FAM135B: variants seen among roughly 807,000 people sequenced by gnomAD.
FAM135B encodes protein FAM135B.
FAM135B carries 43 observed loss-of-function variants against 127.7 expected under a neutral mutation model. That is an observed-to-expected ratio of 0.34 (90% CI 0.26 to 0.43). The LOEUF (loss-of-function observed/expected upper bound fraction) is 0.43. Among genes scored for constraint, FAM135B ranks in the 20% least tolerant of loss-of-function variants. The pLI is 1.00. For synonymous variants in FAM135B, 670 were observed against 665.1 expected (o/e 1.01, Z -0.11); for missense variants, 1,558 against 1,725.6 (o/e 0.90, Z 1.72).
At chr8:138,455,924 C>T (rs116074424) in intron 1 of FAM135B, among the ~76,000 whole-genome samples, 5 of 152,220 alleles carry the variant, frequency 3.3e-5, no homozygotes, top group Admixed American at 2.6e-4. Flanking sequence ...CTACACCCTC[C>T]ATATGCCAGA....
chr8:138,349,003 A>G (rs1243796004), intron 2 of FAM135B, among the ~76,000 whole-genome samples: 4 of 152,248 alleles, frequency 2.6e-5, no homozygotes, highest in Non-Finnish European at 5.9e-5. Flanking sequence ...AGATGAGGCC[A>G]GCCAAAATGG....
chr8:138,302,134 GTTA>G (rs67616345), intron 3 of FAM135B, among the ~76,000 whole-genome samples: 141,926 of 151,000 alleles, frequency 0.94, 66,897 homozygotes, highest in Non-Finnish European at 0.97. Flanking sequence ...TGAAGGAAGT[GTTA>G]TTATTATTAT....
intron 1 of FAM135B, among the ~76,000 whole-genome samples, chr8:138,483,093 A>G (rs867398415): frequency 1.3e-5 from 2 of 152,224 alleles, no homozygotes; most frequent in African/African-American, 4.8e-5. Context: ...TTTGAAAAAA[A>G]AAAATCTCAC....
intron 7 of FAM135B, among the ~76,000 whole-genome samples, chr8:138,221,133 T>C (rs1217466819): frequency 6.6e-6 from 1 of 152,212 alleles, no homozygotes; most frequent in Non-Finnish European, 1.5e-5. Context: ...TGCCTGAGAC[T>C]GGGTAATTTA....
At position 138,152,538 on chromosome 8, in the gene FAM135B, G is replaced by C. The variant is rs377238872; in HGVS notation, c.1937C>G (p.Ser646Cys). The C allele has an allele frequency of 1.2e-5, 19 of 1,614,050 alleles. 1 individual carries two copies. Among genetic ancestry groups the C allele is most frequent in the Middle Eastern group, 3.3e-4 (2 of 6,084 alleles). ...TPSEPCDPLS[S>C]TLREPLDIRS... is the part of the protein sequence containing the mutation. ...AATATCTAAGGGCTCCCTCAGGGTA[G>C]AACTTAGTGGATCACAGGGCTCAGA... Residue 646 changes from serine (S) to cysteine (C), a missense_variant, in exon 13 of 20, where the codon TCT becomes TGT. Coordinates refer to ENST00000395297, the MANE Select transcript of FAM135B (RefSeq NM_015912.4).
At chr8:138,245,543 T>G (rs1349629078) in intron 6 of FAM135B, among the ~76,000 whole-genome samples, 1 of 152,154 alleles carries the variant, frequency 6.6e-6, no homozygotes, top group Non-Finnish European at 1.5e-5. Context: ...CATGTTTGCC[T>G]CCCCTTCCAC....
chr8:138,442,260 A>ATATATATATATATATATT (rs1835833811), intron 1 of FAM135B, among the ~76,000 whole-genome samples: 1 of 126,718 alleles, frequency 7.9e-6, no homozygotes, highest in Non-Finnish European at 1.7e-5. Context: ...ATATATATAT[A>ATATATATATATATATATT]TATATATATA....
chr8:138,188,734 C>T (rs553399769), intron 9 of FAM135B, among the ~76,000 whole-genome samples: 7 of 152,312 alleles, frequency 4.6e-5, no homozygotes, highest in African/African-American at 1.7e-4. Context: ...CCTTGCACCT[C>T]ACGCCTTGCT....
At chr8:138,338,226 A>G (rs1828761696) in intron 2 of FAM135B, among the ~76,000 whole-genome samples, 1 of 151,754 alleles carries the variant, frequency 6.6e-6, no homozygotes, top group African/African-American at 2.4e-5. Context: ...AAAACACCAA[A>G]AGCAATGGCA....
chr8:138,382,701 TCA>T lies in FAM135B; in HGVS notation c.-19-14701_-19-14700del, dbSNP rs569215870. Among the ~76,000 whole-genome samples the T allele has an allele frequency of 6.1e-3, 926 of 152,282 alleles. 11 individuals are homozygous for T. Among genetic ancestry groups the T allele is most frequent in the Middle Eastern group, 0.017 (5 of 294 alleles). Reference sequence around the variant, plus strand: ...GTGGCACCTGGCACCCAGAGAGCACTCAGAGTAGCTGCTACTATTCTTAACGT... The same window carrying T: ...GTGGCACCTGGCACCCAGAGAGCACTGAGTAGCTGCTACTATTCTTAACGT... On this transcript the variant is annotated intron_variant, in intron 1 of 19. Transcript: ENST00000395297.
chr8:138,381,330 A>C (rs1216408195), intron 1 of FAM135B, among the ~76,000 whole-genome samples: 1 of 152,086 alleles, frequency 6.6e-6, no homozygotes, highest in Non-Finnish European at 1.5e-5. Context: ...TGGAGGGCCC[A>C]CCTTGCACCT....
At chr8:138,416,607 T>C (rs1283970430) in intron 1 of FAM135B, among the ~76,000 whole-genome samples, 1 of 152,192 alleles carries the variant, frequency 6.6e-6, no homozygotes, top group East Asian at 1.9e-4. Context: ...CACCAATGTA[T>C]GTCAGATATT....
chr8:138,142,058 C>A (rs1233776655), intron 16 of FAM135B, among the ~76,000 whole-genome samples: 1 of 152,012 alleles, frequency 6.6e-6, no homozygotes, highest in East Asian at 1.9e-4. Flanking sequence ...TTTTAAAAAT[C>A]TAACCTCTAT....
intron 13 of FAM135B, 102 bp downstream of exon 13, chr8:138,151,092 T>C (rs1057441357): frequency 1.4e-6 from 1 of 728,052 alleles, no homozygotes; most frequent in African/African-American, 1.8e-5. Context: ...AATCAGAAAA[T>C]CACAGATATC....
At chr8:138,306,254 G>A (rs1673659561) in intron 3 of FAM135B, among the ~76,000 whole-genome samples, 1 of 151,758 alleles carries the variant, frequency 6.6e-6, no homozygotes, top group Non-Finnish European at 1.5e-5. Context: ...GGCCAACATG[G>A]TAAAACTCCA....
At chr8:138,199,095 C>T (rs115512919) in intron 7 of FAM135B, among the ~76,000 whole-genome samples, 4,170 of 152,222 alleles carry the variant, frequency 0.027, 193 homozygotes, top group African/African-American at 0.095. Flanking sequence ...TCTCCTTTCT[C>T]CTAGCTGCCA....
intron 6 of FAM135B, among the ~76,000 whole-genome samples, chr8:138,248,016 T>C (rs1821416464): frequency 1.3e-5 from 2 of 152,224 alleles, no homozygotes; most frequent in African/African-American, 4.8e-5. Context: ...ATTCACTAAA[T>C]GCTTATTATG....
chr8:138,382,525 T>C (rs1831923566), intron 1 of FAM135B, among the ~76,000 whole-genome samples: 1 of 152,176 alleles, frequency 6.6e-6, no homozygotes, highest in Non-Finnish European at 1.5e-5. Context: ...GGGCAAAGTC[T>C]GGCACCAAAC....
At chr8:138,316,525 A>G (rs527746111) in intron 2 of FAM135B, among the ~76,000 whole-genome samples, 3 of 152,272 alleles carry the variant, frequency 2.0e-5, no homozygotes, top group Middle Eastern at 3.4e-3. Context: ...AAAAAAAACC[A>G]CAATGAGATG....
Sources: allele counts gnomAD v4.1 joint callset (sites outside exome capture counted in the v4.1 genomes callset), GRCh38; gene constraint gnomAD v4.1.1; transcripts MANE v1.5; gene names NCBI Gene and HGNC (gene_info 2026-07-23, HGNC 2026-07-21).